Variants in MGAT4C observed in about 807,000 individuals in gnomAD.
MGAT4C encodes MGAT4 family member C, also known as alpha-1,3-mannosyl-glycoprotein 4-beta-N-acetylglucosaminyltransferase C.
A neutral mutation model predicts 40.1 loss-of-function variants in MGAT4C; 19 were observed. The observed-to-expected ratio is 0.47, with a 90% CI of 0.33 to 0.70. The LOEUF (loss-of-function observed/expected upper bound fraction) is 0.70, where lower values mean the gene tolerates loss of function less well. MGAT4C is among the 30% of genes least tolerant of loss of function. The pLI, the probability that MGAT4C is intolerant of heterozygous loss-of-function variation, is 0.02. For missense variants in MGAT4C, 491 were observed against 563.2 expected, an observed-to-expected ratio of 0.87 and a Z score of 1.30; for synonymous variants, 181 against 187.1, an observed-to-expected ratio of 0.97 and a Z score of 0.27.
Position 86,769,952 on chromosome 12 carries a change from C to A in MGAT4C, c.-261-42711G>T, listed in dbSNP as rs530501371. Among the ~76,000 whole-genome samples the A allele has an allele frequency of 1.3e-5, 2 of 151,852 alleles. 1 individual carries two copies. Among genetic ancestry groups the A allele is most frequent in the Admixed American group, 1.3e-4 (2 of 15,196 alleles). ...GGGTGCAGCACACCAGCATGGCACA[C>A]GTATACATATGTAACTAACCTGCAT... is the stretch of plus-strand genomic sequence containing the variant. On this transcript the variant is annotated intron_variant, in intron 1 of 7. Coordinates refer to the MGAT4C transcript ENST00000548651.
chr12:86,502,656 T>G (rs145081763), intron 2 of MGAT4C, among the ~76,000 whole-genome samples: 84 of 144,012 alleles, frequency 5.8e-4, no homozygotes, highest in East Asian at 2.0e-3. Context: ...ATATACATGA[T>G]TTCTGCTCAT....
intron 3 of MGAT4C, among the ~76,000 whole-genome samples, chr12:86,426,948 A>G (rs1417601096): frequency 1.3e-5 from 2 of 152,136 alleles, no homozygotes; most frequent in Non-Finnish European, 2.9e-5. Flanking sequence ...ATCCATCTCA[A>G]AAAAAGAAAA....
chr12:86,599,557 T>G (rs1398322031), intron 2 of MGAT4C: 3 of 152,192 alleles, frequency 2.0e-5, no homozygotes, highest in Non-Finnish European at 4.4e-5. Flanking sequence ...TGCTACTTGT[T>G]GCCAAATAAT....
intron 1 of MGAT4C, among the ~76,000 whole-genome samples, chr12:86,808,072 C>T (rs1414543148): frequency 6.6e-6 from 1 of 152,016 alleles, no homozygotes; most frequent in African/African-American, 2.4e-5. Flanking sequence ...CCTCCCAAGG[C>T]TGAACTAAGA....
At chr12:86,339,438 T>A (rs1191929844) in intron 3 of MGAT4C, among the ~76,000 whole-genome samples, 1 of 152,156 alleles carries the variant, frequency 6.6e-6, no homozygotes, top group Non-Finnish European at 1.5e-5. Context: ...CAGATAGATT[T>A]TAAAGAATGA....
intron 1 of MGAT4C, among the ~76,000 whole-genome samples, chr12:86,062,854 C>T (rs1025361349): frequency 8.6e-5 from 13 of 151,884 alleles, no homozygotes; most frequent in South Asian, 2.1e-4. Context: ...AACAAAGCCT[C>T]GAAGAAATAT....
At chr12:86,019,865 A>G (rs372771589) in intron 2 of MGAT4C, among the ~76,000 whole-genome samples, 2 of 151,944 alleles carry the variant, frequency 1.3e-5, no homozygotes, top group Middle Eastern at 6.8e-3. Flanking sequence ...CTTTTATTTC[A>G]TTGAGCAGTG....
chr12:86,255,308 G>T (rs879303196), intron 1 of MGAT4C, among the ~76,000 whole-genome samples: 1 of 152,000 alleles, frequency 6.6e-6, no homozygotes, highest in Non-Finnish European at 1.5e-5. Context: ...CATTTGAGGG[G>T]ATACAAATGT....
At chr12:86,451,292 C>T (rs961697854) in intron 2 of MGAT4C, among the ~76,000 whole-genome samples, 2 of 152,146 alleles carry the variant, frequency 1.3e-5, no homozygotes, top group African/African-American at 4.8e-5. Flanking sequence ...GCTTCATCTA[C>T]CTCCATGATT....
At chr12:86,207,773 C>T (rs1240096972) in intron 1 of MGAT4C, among the ~76,000 whole-genome samples, 1 of 151,968 alleles carries the variant, frequency 6.6e-6, no homozygotes, top group East Asian at 1.9e-4. Flanking sequence ...AAAAGCAATG[C>T]TAAGAACTTT....
chr12:86,611,496 A>AGATAGAT (rs1285297878), intron 2 of MGAT4C, among the ~76,000 whole-genome samples: 9 of 151,836 alleles, frequency 5.9e-5, no homozygotes, highest in Admixed American at 4.6e-4. Context: ...ATAGATAGAT[A>AGATAGAT]GATACATGTT....
chr12:86,599,599 CT>C, intron 2 of MGAT4C: 1 of 152,052 alleles, frequency 6.6e-6, no homozygotes, highest in East Asian at 1.9e-4. Flanking sequence ...GCTTTACAGT[CT>C]AAAGTATCAC....
intron 1 of MGAT4C, among the ~76,000 whole-genome samples, chr12:86,057,501 T>A (rs1325770944): frequency 1.3e-5 from 2 of 152,170 alleles, no homozygotes; most frequent in Non-Finnish European, 2.9e-5. Flanking sequence ...TCCAAACACA[T>A]TTCATGTGAG....
At chr12:86,740,319 A>G (rs1346100154) in intron 1 of MGAT4C, among the ~76,000 whole-genome samples, 1 of 151,108 alleles carries the variant, frequency 6.6e-6, no homozygotes, top group Non-Finnish European at 1.5e-5. Flanking sequence ...GATAGGATTC[A>G]TTATATTTTT....
intron 3 of MGAT4C, among the ~76,000 whole-genome samples, chr12:86,405,348 A>G (rs575339147): frequency 1.6e-4 from 25 of 152,176 alleles, no homozygotes; most frequent in African/African-American, 5.5e-4. Context: ...CCAGCAATGA[A>G]CTAGTGGACA....
At chr12:86,523,972 G>T (rs903394005) in intron 2 of MGAT4C, among the ~76,000 whole-genome samples, 1 of 152,042 alleles carries the variant, frequency 6.6e-6, no homozygotes. Flanking sequence ...TTGAGACTAT[G>T]TGTGTTATTG....
At chr12:86,373,834 C>A (rs899508811) in intron 3 of MGAT4C, among the ~76,000 whole-genome samples, 3 of 151,978 alleles carry the variant, frequency 2.0e-5, no homozygotes, top group Non-Finnish European at 4.4e-5. Flanking sequence ...TTTTCTCATT[C>A]TGCTTCCTTC....
chr12:86,326,348 G>T (rs1166557205), intron 4 of MGAT4C, among the ~76,000 whole-genome samples: 2 of 150,650 alleles, frequency 1.3e-5, no homozygotes, highest in Non-Finnish European at 3.0e-5. Flanking sequence ...ATTATGTAAG[G>T]TGATTTATAT....
intron 2 of MGAT4C, among the ~76,000 whole-genome samples, chr12:86,443,748 C>T (rs1018324361): frequency 2.0e-5 from 3 of 152,202 alleles, no homozygotes; most frequent in African/African-American, 7.2e-5. Context: ...CGCCTGCCAC[C>T]ATGTCAGGCT....
Sources: allele counts gnomAD v4.1 joint callset (sites outside exome capture counted in the v4.1 genomes callset), GRCh38; gene constraint gnomAD v4.1.1; transcripts MANE v1.5; gene names NCBI Gene and HGNC (gene_info 2026-07-23, HGNC 2026-07-21).